Variants in SLCO6A1 observed in about 807,000 individuals in gnomAD.
SLCO6A1 encodes the protein cancer/testis antigen 48.
In SLCO6A1, 65 loss-of-function variants were observed where a neutral mutation model predicts 72.7. The observed-to-expected ratio is 0.89, with a 90% CI of 0.73 to 1.10. SLCO6A1 has a LOEUF of 1.10. Among genes scored for constraint, SLCO6A1 ranks in the 50% least tolerant of loss-of-function variants. The pLI is 0.00. For synonymous variants in SLCO6A1, 314 were observed against 298.2 expected, an observed-to-expected ratio of 1.05 and a Z score of -0.55; for missense variants, 874 against 872.6, an observed-to-expected ratio of 1.00 and a Z score of -0.02.
In SLCO6A1 at chr5:102,388,827, T is replaced by C; in HGVS notation, c.1880-2A>G. The stretch of plus-strand genomic sequence containing the variant: ...AGATTGATGGTCCAGGAATAGTCCC[T>C]ATGAAAAATGCAATGATTGTAAATT... On this transcript the variant is annotated splice_acceptor_variant, in intron 11 of 13. Transcript: ENST00000506729. LOFTEE classifies it high-confidence loss of function. 1 of 1,589,286 alleles carries C rather than the reference T, an allele frequency of 6.3e-7. No homozygotes were observed. Among genetic ancestry groups the C allele is most frequent in the Non-Finnish European group, 8.5e-7 (1 of 1,173,332 alleles).
intron 12 of SLCO6A1, among the ~76,000 whole-genome samples, chr5:102,387,022 T>G (rs1746455753): frequency 1.3e-5 from 2 of 152,296 alleles, no homozygotes; most frequent in South Asian, 4.1e-4. Flanking sequence ...TGTGCTATAT[T>G]CTTTCAGTGT....
At chr5:102,483,849 T>G (rs1334427196) in intron 1 of SLCO6A1, among the ~76,000 whole-genome samples, 1 of 152,192 alleles carries the variant, frequency 6.6e-6, no homozygotes, top group Non-Finnish European at 1.5e-5. Context: ...TCAAGGTTTC[T>G]TTTTTCTCAA....
At chr5:102,450,748 T>C (rs997974355) in intron 6 of SLCO6A1, among the ~76,000 whole-genome samples, 15 of 149,672 alleles carry the variant, frequency 1.0e-4, no homozygotes, top group African/African-American at 3.4e-4. Context: ...ATTGGTATGA[T>C]TAGCCCAGGG....
chr5:102,464,682 T>C (rs1156578482), intron 4 of SLCO6A1, among the ~76,000 whole-genome samples: 1 of 152,104 alleles, frequency 6.6e-6, no homozygotes, highest in Non-Finnish European at 1.5e-5. Context: ...TATCAGAGGG[T>C]CATAAGACAA....
chr5:102,382,283 T>C (rs1207091731), intron 12 of SLCO6A1, among the ~76,000 whole-genome samples: 1 of 151,768 alleles, frequency 6.6e-6, no homozygotes, highest in Non-Finnish European at 1.5e-5. Flanking sequence ...ATGTTAAAGA[T>C]CAATTGTCTA....
chr5:102,480,497 T>C (rs1276510415), intron 1 of SLCO6A1, 63 bp from the exon 2 acceptor site: 28 of 1,462,482 alleles, frequency 1.9e-5, no homozygotes, highest in Middle Eastern at 1.8e-4. Flanking sequence ...TTATGATTAT[T>C]ACAAAGCAAA....
At position 102,391,104 on chromosome 5, in the gene SLCO6A1, A is replaced by G. The variant is rs1185718276; in HGVS notation, c.1815-59T>C. On this transcript the variant is annotated intron_variant, in intron 10 of 13. Transcript: ENST00000506729. ...TCATTGTTATTAGCACTAAGAATGTATGCTAGATTCAAGGCTAATCATTTT... is the reference window on the plus strand; with the variant it reads ...TCATTGTTATTAGCACTAAGAATGTGTGCTAGATTCAAGGCTAATCATTTT... The G allele has an allele frequency of 3.5e-6, 5 of 1,446,062 alleles. No homozygotes were observed. The African/African-American group carries it at 7.1e-5, about 20-fold the overall frequency. 89.6% of individuals were successfully genotyped at this position (1,446,062 alleles called of 1,614,324 possible).
intron 1 of SLCO6A1, among the ~76,000 whole-genome samples, chr5:102,488,862 A>C (rs1752554346): frequency 6.6e-6 from 1 of 152,214 alleles, no homozygotes; most frequent in Admixed American, 6.5e-5. Flanking sequence ...TTCAAATACA[A>C]AGGAAGACCC....
chr5:102,498,949 G>C lies in SLCO6A1; in HGVS notation c.-105C>G, dbSNP rs535387582. On this transcript the variant is annotated 5_prime_UTR_variant, in exon 1 of 14. Transcript: ENST00000506729. Reference sequence around the variant, plus strand: ...GCCTGGCGAGGGCGTCGGAGGACTCGGTGGCCACAAGGGGCTCTTGCCGCC... The same window carrying C: ...GCCTGGCGAGGGCGTCGGAGGACTCCGTGGCCACAAGGGGCTCTTGCCGCC... 8.9e-7 allele frequency: 1 copy of C among 1,122,536 alleles called. No individual in the cohort carries two copies. Among genetic ancestry groups the C allele is most frequent in the East Asian group, 2.4e-5 (1 of 42,196 alleles). The allele number at this position is 1,122,536 out of a possible 1,614,324, so 69.5% of individuals were successfully genotyped here.
chr5:102,373,515 G>T (rs774754229), intron 12 of SLCO6A1, 21 bp from the exon 13 acceptor site: 2 of 1,437,462 alleles, frequency 1.4e-6, no homozygotes, highest in African/African-American at 1.5e-5. Context: ...AAAATGCAAT[G>T]ATCAGATATG....
intron 12 of SLCO6A1, among the ~76,000 whole-genome samples, chr5:102,381,085 G>C (rs1746080374): frequency 6.6e-6 from 1 of 151,446 alleles, no homozygotes; most frequent in African/African-American, 2.4e-5. Context: ...TTTTTTTGGG[G>C]GTGAGAATAC....
chr5:102,431,478 T>C (rs533161203), intron 7 of SLCO6A1, among the ~76,000 whole-genome samples: 72 of 151,672 alleles, frequency 4.7e-4, no homozygotes, highest in Non-Finnish European at 8.3e-4. Context: ...TCTGTCTTAA[T>C]TTCATTACTT....
At chr5:102,440,275 A>G (rs554744685) in intron 6 of SLCO6A1, among the ~76,000 whole-genome samples, 2 of 152,268 alleles carry the variant, frequency 1.3e-5, no homozygotes, top group African/African-American at 4.8e-5. Flanking sequence ...CTGTTAGGAA[A>G]CAAGCCGTGC....
intron 6 of SLCO6A1, among the ~76,000 whole-genome samples, chr5:102,451,338 T>C (rs976481319): frequency 6.6e-6 from 1 of 152,158 alleles, no homozygotes; most frequent in Non-Finnish European, 1.5e-5. Flanking sequence ...GTGAACTTTG[T>C]CTGGCAAGGT....
intron 7 of SLCO6A1, among the ~76,000 whole-genome samples, chr5:102,421,372 C>G (rs1273516891): frequency 6.6e-6 from 1 of 152,148 alleles, no homozygotes; most frequent in Non-Finnish European, 1.5e-5. Context: ...GATCCACTGG[C>G]TTGAAATTCT....
At chr5:102,403,906 C>T (rs1747530031) in intron 9 of SLCO6A1, among the ~76,000 whole-genome samples, 1 of 151,930 alleles carries the variant, frequency 6.6e-6, no homozygotes. Context: ...TATATATATA[C>T]TTTTTACCTA....
chr5:102,474,702 G>T (rs1751805872), intron 4 of SLCO6A1, among the ~76,000 whole-genome samples: 1 of 151,972 alleles, frequency 6.6e-6, no homozygotes, highest in Non-Finnish European at 1.5e-5. Context: ...CAGAATATAT[G>T]AAGAACTTCA....
intron 4 of SLCO6A1, among the ~76,000 whole-genome samples, chr5:102,460,794 T>G (rs769408365): frequency 7.9e-5 from 12 of 151,692 alleles, no homozygotes; most frequent in Non-Finnish European, 1.5e-4. Context: ...GTACACTGTC[T>G]TATTCACTGA....
In SLCO6A1 at chr5:102,373,435, G is replaced by A. The variant is rs567010617; in HGVS notation, c.2077C>T (p.Arg693Cys). 509 of 1,574,254 alleles carry A rather than the reference G, an allele frequency of 3.2e-4. 8 individuals carry two copies. The South Asian group carries it at 4.8e-3, about 15-fold the overall frequency. Residue 693 changes from arginine to cysteine, a missense_variant, in exon 13 of 14, where the codon CGT becomes TGT. Transcript: ENST00000506729. ...AAGTCAGTGTTCTCATTTAGACGACGTTTGTATATGAAAAATGCAATAGTA... is the reference window on the plus strand; with the variant it reads ...AAGTCAGTGTTCTCATTTAGACGACATTTGTATATGAAAAATGCAATAGTA... Reference protein sequence around the residue: ...FTTIAFFIYKRRLNENTDFPD... With the variant: ...FTTIAFFIYKCRLNENTDFPD...
Sources: gnomAD v4.1 joint callset for allele counts (sites outside exome capture counted in the v4.1 genomes callset) on GRCh38, gnomAD v4.1.1 for gene constraint, MANE v1.5 for transcripts, NCBI Gene and HGNC (gene_info 2026-07-23, HGNC 2026-07-21) for gene names.